Variants in CDH7 observed in about 807,000 individuals in gnomAD.
CDH7 encodes cadherin-7.
Under a neutral mutation model 71.8 loss-of-function variants are expected in CDH7, and 25 were observed. The observed-to-expected ratio is 0.35, with a 90% confidence interval of 0.25 to 0.49. The LOEUF (loss-of-function observed/expected upper bound fraction) is 0.49, where lower values mean the gene tolerates loss of function less well. Ranked by LOEUF, CDH7 falls within the 20% of genes least tolerant of loss-of-function variation. The pLI is 0.99. For synonymous variants in CDH7, 381 were observed against 363.8 expected, an observed-to-expected ratio of 1.05 and a Z score of -0.54; for missense variants, 862 against 974.6, an observed-to-expected ratio of 0.88 and a Z score of 1.54.
chr18:65,871,422 C>T (rs1053445720), intron 11 of CDH7, among the ~76,000 whole-genome samples: 1 of 152,122 alleles, frequency 6.6e-6, no homozygotes, highest in Non-Finnish European at 1.5e-5. Flanking sequence ...TCCATACATC[C>T]AGGAAATGGA....
chr18:65,832,654 C>G (rs892756042), intron 6 of CDH7, among the ~76,000 whole-genome samples: 9 of 151,944 alleles, frequency 5.9e-5, no homozygotes, highest in African/African-American at 2.2e-4. Flanking sequence ...CTATGATAAC[C>G]TTTATAACCA....
chr18:65,840,683 CT>C (rs1912699802), intron 6 of CDH7, among the ~76,000 whole-genome samples: 1 of 152,026 alleles, frequency 6.6e-6, no homozygotes, highest in Non-Finnish European at 1.5e-5. Context: ...TGAGATGTGC[CT>C]TTCACCTTCT....
At position 65,870,449 on chromosome 18, in the gene CDH7, A is replaced by G. The variant is rs117848638; in HGVS notation, c.1864+7532A>G. ...CATTTTTCCTATCACTTTCCTTTTT[A>G]AGACATAAATTATTTTACGTCTCTG... On this transcript the variant is annotated intron_variant, in intron 11 of 11. Transcript: ENST00000397968. Among the ~76,000 whole-genome samples the G allele has an allele frequency of 5.2e-3, 791 of 152,142 alleles. 3 individuals carry two copies. The highest frequency in any genetic ancestry group is 8.9e-3 in the South Asian group (43 of 4,820).
chr18:65,870,741 T>G (rs367884768), intron 11 of CDH7, among the ~76,000 whole-genome samples: 1 of 152,142 alleles, frequency 6.6e-6, no homozygotes, highest in Non-Finnish European at 1.5e-5. Context: ...TCAGGAGGAG[T>G]GTCCTAAGCA....
At chr18:65,823,443 A>G (rs527282083) in intron 5 of CDH7, among the ~76,000 whole-genome samples, 5 of 152,006 alleles carry the variant, frequency 3.3e-5, no homozygotes, top group East Asian at 3.9e-4. Context: ...TTAGTAGGAT[A>G]CAGGTTTTCT....
At chr18:65,808,160 A>C (rs933203207) in intron 2 of CDH7, among the ~76,000 whole-genome samples, 5 of 152,210 alleles carry the variant, frequency 3.3e-5, no homozygotes, top group African/African-American at 1.2e-4. Flanking sequence ...TGTTCTACCC[A>C]TGTAACAAAC....
intron 2 of CDH7, among the ~76,000 whole-genome samples, chr18:65,788,935 G>A (rs1341456987): frequency 6.6e-6 from 1 of 152,078 alleles, no homozygotes. Flanking sequence ...GAAGAAATAC[G>A]TAGTCTATAA....
At chr18:65,817,209 G>A (rs557510084) in intron 4 of CDH7, among the ~76,000 whole-genome samples, 1 of 152,094 alleles carries the variant, frequency 6.6e-6, no homozygotes, top group Non-Finnish European at 1.5e-5. Context: ...GTATAACTAC[G>A]TGGTGGCTGC....
In CDH7 at chr18:65,858,986, C is replaced by T. The variant is rs775706195; in HGVS notation, c.1434C>T (p.Asn478=). The change falls in exon 9 of 12, where the codon AAC becomes AAT. Residue 478 remains asparagine (N), a synonymous_variant. Transcript: ENST00000397968. ...TCACTATACTTGACATCAATGATAA[C>T]GCCCCTGAATTTGCCATGGACTATG... ...VAITILDIND[N]APEFAMDYET... 86 of 1,612,536 alleles carry T rather than the reference C, an allele frequency of 5.3e-5. No homozygotes were observed. The Admixed American group carries it at 9.3e-4, about 18-fold the overall frequency.
In CDH7 at chr18:65,885,363, T is replaced by C. The variant is rs1031021275; in HGVS notation, c.*4469T>C. 1.4e-5 allele frequency: 2 copies of C among 141,308 alleles called. No homozygotes were observed. Among genetic ancestry groups the C allele is most frequent in the Non-Finnish European group, 3.0e-5 (2 of 65,664 alleles). 8.8% of individuals were successfully genotyped at this position (141,308 alleles called of 1,614,324 possible). On this transcript the variant is annotated 3_prime_UTR_variant, in exon 12 of 12. Coordinates refer to ENST00000397968, the MANE Select transcript of CDH7 (RefSeq NM_004361.5). ...GCTTAGAATGTAACTGAAAAGGATG[T>C]GTGCCTGTGTTTTTTTTTTTTTTTT...
At chr18:65,810,027 C>T in intron 3 of CDH7, 29 bp downstream of exon 3, 4 of 1,568,930 alleles carry the variant, frequency 2.5e-6, no homozygotes, top group Non-Finnish European at 3.5e-6. Flanking sequence ...GCTTTTGTAG[C>T]TTGTGGCCGA....
At chr18:65,872,247 C>T (rs1186575390) in intron 11 of CDH7, among the ~76,000 whole-genome samples, 1 of 152,060 alleles carries the variant, frequency 6.6e-6, no homozygotes, top group Non-Finnish European at 1.5e-5. Flanking sequence ...TTGGATTTGG[C>T]AAAATGTGAG....
At chr18:65,832,863 G>T (rs1912400175) in intron 6 of CDH7, among the ~76,000 whole-genome samples, 1 of 151,480 alleles carries the variant, frequency 6.6e-6, no homozygotes, top group South Asian at 2.1e-4. Context: ...TTCAATATAA[G>T]TCTTCAGTTG....
At chr18:65,757,792 T>TA (rs398120578) in intron 1 of CDH7, among the ~76,000 whole-genome samples, 2,583 of 98,890 alleles carry the variant, frequency 0.026, 39 homozygotes, top group African/African-American at 0.064. Flanking sequence ...TATATATATA[T>TA]TTTTTTTTTC....
At chr18:65,791,155 G>T (rs535293336) in intron 2 of CDH7, among the ~76,000 whole-genome samples, 1 of 152,272 alleles carries the variant, frequency 6.6e-6, no homozygotes, top group Non-Finnish European at 1.5e-5. Context: ...TGACACCTTT[G>T]TCTTTTAGTC....
chr18:65,829,698 C>T (rs998837222), intron 6 of CDH7, among the ~76,000 whole-genome samples: 4 of 151,516 alleles, frequency 2.6e-5, no homozygotes, highest in Admixed American at 6.6e-5. Flanking sequence ...AAAAATCCCT[C>T]CTATTTTTCC....
intron 2 of CDH7, among the ~76,000 whole-genome samples, chr18:65,805,029 C>A (rs1330409596): frequency 1.3e-5 from 2 of 151,562 alleles, no homozygotes; most frequent in Non-Finnish European, 2.9e-5. Context: ...TGAAATAAAA[C>A]AAATACTGCT....
At chr18:65,842,638 T>C (rs531592127) in intron 6 of CDH7, among the ~76,000 whole-genome samples, 24 of 152,078 alleles carry the variant, frequency 1.6e-4, no homozygotes, top group Admixed American at 7.2e-4. Context: ...ATATAACTAT[T>C]GTTTTATTTA....
At chr18:65,799,131 A>T (rs1220914094) in intron 2 of CDH7, among the ~76,000 whole-genome samples, 2 of 152,088 alleles carry the variant, frequency 1.3e-5, no homozygotes, top group East Asian at 1.9e-4. Flanking sequence ...TGGACAAGAG[A>T]ACATCAAGAG....
Sources: gnomAD v4.1 joint callset for allele counts (sites outside exome capture counted in the v4.1 genomes callset) on GRCh38, gnomAD v4.1.1 for gene constraint, MANE v1.5 for transcripts, NCBI Gene and HGNC (gene_info 2026-07-23, HGNC 2026-07-21) for gene names.